Variants in INPPL1 observed in about 807,000 individuals in gnomAD.
INPPL1 encodes the protein phosphatidylinositol 3,4,5-trisphosphate 5-phosphatase 2.
Under a neutral mutation model 139.3 loss-of-function variants are expected in INPPL1, and 91 were observed. The observed-to-expected ratio is 0.65, with a 90% CI of 0.55 to 0.78. The LOEUF (loss-of-function observed/expected upper bound fraction) is 0.78, where lower values mean the gene tolerates loss of function less well. INPPL1 is among the 30% of genes least tolerant of loss of function. INPPL1 has a pLI of 0.00. For synonymous variants in INPPL1, 719 were observed against 686.6 expected, an observed-to-expected ratio of 1.05 and a Z score of -0.74; for missense variants, 1,411 against 1,665.6, an observed-to-expected ratio of 0.85 and a Z score of 2.66.
Position 72,235,334 on chromosome 11 carries a change from ACGG to A in INPPL1, c.2544_2546del (p.Ala849del). 3.1e-6 allele frequency: 5 copies of A among 1,614,074 alleles called. No individual in the cohort carries two copies. Among genetic ancestry groups the A allele is most frequent in the Non-Finnish European group, 3.4e-6 (4 of 1,179,990 alleles). On this transcript the variant is annotated inframe_deletion, in exon 23 of 28. Coordinates refer to ENST00000298229, the MANE Select transcript of INPPL1 (RefSeq NM_001567.4). This position sits in a 1 kb window ranked among gnomAD's most constrained non-coding sequence, Gnocchi z 4.9. ...TGCACTCAAATCCATGATCGGCAGC[ACGG>A]CCCAACAGTTCCTGACCTTCCTATC... is the stretch of plus-strand genomic sequence containing the variant.
At position 72,230,904 on chromosome 11, in the gene INPPL1, G is replaced by GC; in HGVS notation, c.1300+9dup. The GC allele has an allele frequency of 6.2e-7, 1 of 1,613,990 alleles. No homozygotes were observed. Among genetic ancestry groups the GC allele is most frequent in the Non-Finnish European group, 8.5e-7 (1 of 1,179,916 alleles). On this transcript the variant is annotated splice_region_variant and intron_variant, in intron 11 of 27. Transcript: ENST00000298229. Reference sequence around the variant, plus strand: ...CATAGGCACCTGGAACATGGGTCAGGCCCGGGCTGGGGCTGGGGCGGGAGA... The same window carrying GC: ...CATAGGCACCTGGAACATGGGTCAGGCCCCGGGCTGGGGCTGGGGCGGGAGA...
At position 72,232,919 on chromosome 11, in the gene INPPL1, C is replaced by A. The variant is rs1426299825; in HGVS notation, c.1896C>A (p.Leu632=). ...YISRKEFEPL[L]RVDQLNLERE... is the part of the protein sequence containing the mutation. ...GCAGGAAAGAGTTTGAGCCCCTCCT[C>A]AGGGTGGACCAGCTCAACCTGGAGC... The change falls in exon 16 of 28, where the codon CTC becomes CTA. Residue 632 remains leucine (L), a synonymous_variant. Coordinates refer to ENST00000298229, the MANE Select transcript of INPPL1 (RefSeq NM_001567.4). The A allele has an allele frequency of 6.2e-7, 1 of 1,614,166 alleles. No homozygotes were observed. Among genetic ancestry groups the A allele is most frequent in the South Asian group, 1.1e-5 (1 of 91,084 alleles).
At position 72,232,892 on chromosome 11, in the gene INPPL1, C is replaced by G; in HGVS notation, c.1869C>G (p.Ile623Met). 3 of 1,614,146 alleles carry G rather than the reference C, an allele frequency of 1.9e-6. No individual in the cohort carries two copies. The highest frequency in any genetic ancestry group is 2.5e-6 in the Non-Finnish European group (3 of 1,180,004). The change falls in exon 16 of 28, where the codon ATC becomes ATG. Residue 623 changes from isoleucine (I) to methionine (M), a missense_variant. By Grantham distance (10) the Ile-to-Met change is conservative. Around this residue, in one of 5 missense-constraint regions of INPPL1, gnomAD observed 363 missense variants for 446.2 expected, o/e 0.81. Transcript: ENST00000298229. Reference sequence around the variant, plus strand: ...CACCCCAGGAGATCCTGAACTACATCAGCAGGAAAGAGTTTGAGCCCCTCC... The same window carrying G: ...CACCCCAGGAGATCCTGAACTACATGAGCAGGAAAGAGTTTGAGCCCCTCC... ...DMDIQEILNY[I>M]SRKEFEPLLR...
At chr11:72,233,852 G>A (rs753411038) in intron 19 of INPPL1, 108 bp downstream of exon 19, 5 of 843,082 alleles carry the variant, frequency 5.9e-6, no homozygotes, top group Non-Finnish European at 1.0e-5. Context: ...GTGGGTGTGT[G>A]TACCAGTGAG....
At position 72,236,942 on chromosome 11, in the gene INPPL1, G is replaced by C. The variant is rs114364629; in HGVS notation, c.2880-182G>C. 1.2e-3 allele frequency among the ~76,000 whole-genome samples: 186 copies of C among 152,290 alleles called. 1 individual carries two copies. Among genetic ancestry groups the C allele is most frequent in the African/African-American group, 4.0e-3 (165 of 41,556 alleles). ...GGGATTGTAGGGTTATCCATTCAAA[G>C]GGTTATCCTCCCTCTGACCTTTAGA... On this transcript the variant is annotated intron_variant, in intron 25 of 27. Coordinates refer to ENST00000298229, the MANE Select transcript of INPPL1 (RefSeq NM_001567.4).
Position 72,228,384 on chromosome 11 carries a change from C to T in INPPL1, c.283C>T (p.Leu95=). Residue 95 remains leucine (L), a synonymous_variant, in exon 3 of 28, where the codon CTG becomes TTG. Coordinates refer to ENST00000298229, the MANE Select transcript of INPPL1 (RefSeq NM_001567.4). This position sits in a 1 kb window ranked among gnomAD's most constrained non-coding sequence, Gnocchi z 5.0. ...QGVPVRRFQT[L]GELIGLYAQP... is the part of the protein sequence containing the mutation. ...TGTGCCTGTGCGCCGCTTCCAGACCCTGGGTGAGCTCATCGGCCTGTACGC... is the reference window on the plus strand; with the variant it reads ...TGTGCCTGTGCGCCGCTTCCAGACCTTGGGTGAGCTCATCGGCCTGTACGC... The T allele has an allele frequency of 6.2e-7, 1 of 1,613,472 alleles. No individual in the cohort carries two copies. The highest frequency in any genetic ancestry group is 8.5e-7 in the Non-Finnish European group (1 of 1,179,980).
intron 6 of INPPL1, 39 bp from the exon 7 acceptor site, chr11:72,229,624 A>G (rs774501149): frequency 6.8e-6 from 11 of 1,611,680 alleles, no homozygotes; most frequent in Admixed American, 6.7e-5. Flanking sequence ...GGCTCTGCTT[A>G]GGTGACTCAT....
Position 72,228,563 on chromosome 11 carries a change from C to G in INPPL1, c.397+65C>G. The G allele has an allele frequency of 2.5e-6, 4 of 1,569,288 alleles. No homozygotes were observed. Among genetic ancestry groups the G allele is most frequent in the Non-Finnish European group, 3.5e-6 (4 of 1,155,714 alleles). On this transcript the variant is annotated intron_variant, in intron 3 of 27. Transcript: ENST00000298229. The surrounding 1 kb of genome is among the most constrained non-coding windows in gnomAD (Gnocchi z 5.0). The stretch of plus-strand genomic sequence containing the variant: ...CTTGGCTCTACCTGCCTCTTCCCAT[C>G]CCCCCTTCTCAACCCCACCTCTCCT...
At position 72,238,386 on chromosome 11, in the gene INPPL1, G is replaced by A; in HGVS notation, c.*33G>A. The A allele has an allele frequency of 1.3e-6, 2 of 1,496,466 alleles. No individual in the cohort carries two copies. The highest frequency in any genetic ancestry group is 1.4e-5 in the African/African-American group (1 of 70,818). 92.7% of individuals were successfully genotyped at this position (1,496,466 alleles called of 1,614,324 possible). ...GGCACCACGAAGCTGTGAACTCAGA[G>A]CCCCTCCCTGCTACCAAGGCCCAGC... On this transcript the variant is annotated 3_prime_UTR_variant, in exon 28 of 28. Transcript: ENST00000298229.
chr11:72,234,193 AT>A lies in INPPL1; in HGVS notation c.2213-85del. ...CCTGCCTCCTTGCTCTGGACCCCTG[AT>A]TTCCTGTCCCAGGGCCCTGTTTCTC... On this transcript the variant is annotated intron_variant, in intron 19 of 27. Coordinates refer to ENST00000298229, the MANE Select transcript of INPPL1 (RefSeq NM_001567.4). The surrounding 1 kb of genome is among the most constrained non-coding windows in gnomAD (Gnocchi z 4.2). The A allele has an allele frequency of 9.5e-7, 1 of 1,049,148 alleles. No individual in the cohort carries two copies. The highest frequency in any genetic ancestry group is 1.5e-6 in the Non-Finnish European group (1 of 682,204). 65.0% of individuals were successfully genotyped at this position (1,049,148 alleles called of 1,614,324 possible).
In INPPL1 at chr11:72,238,173, C is replaced by G. The variant is rs1308805329; in HGVS notation, c.3684C>G (p.Leu1228=). ...ATGGCTGGGACGACCTGGAGTTTCTCAGGTGGGGGAGGGGCTGGCCCCGGG... is the reference window on the plus strand; with the variant it reads ...ATGGCTGGGACGACCTGGAGTTTCTGAGGTGGGGGAGGGGCTGGCCCCGGG... ...VHNGWDDLEF[L]SDITEEDLEE... Residue 1228 remains leucine, a splice_region_variant and synonymous_variant, in exon 27 of 28, where the codon CTC becomes CTG. Coordinates refer to ENST00000298229, the MANE Select transcript of INPPL1 (RefSeq NM_001567.4). 4 of 1,604,130 alleles carry G rather than the reference C, an allele frequency of 2.5e-6. No individual in the cohort carries two copies. The South Asian group carries it at 4.5e-5, about 18-fold the overall frequency.
Position 72,230,896 on chromosome 11 carries a change from T to C in INPPL1, c.1298T>C (p.Met433Thr). Residue 433 changes from methionine (M) to threonine (T), a missense_variant and splice_region_variant, in exon 11 of 28, where the codon ATG (methionine) becomes ACG (threonine). Physicochemically the swap from Met to Thr is moderately conservative, Grantham distance 81. Coordinates refer to ENST00000298229, the MANE Select transcript of INPPL1 (RefSeq NM_001567.4). Reference protein sequence around the residue: ...MISVFIGTWNMGSVPPPKNVT... With the variant: ...MISVFIGTWNTGSVPPPKNVT... ...TCAGTCTTCATAGGCACCTGGAACA[T>C]GGGTCAGGCCCGGGCTGGGGCTGGG... is the stretch of plus-strand genomic sequence containing the variant. The C allele has an allele frequency of 6.2e-7, 1 of 1,613,974 alleles. No individual in the cohort carries two copies. Among genetic ancestry groups the C allele is most frequent in the South Asian group, 1.1e-5 (1 of 91,076 alleles).
intron 1 of INPPL1, among the ~76,000 whole-genome samples, chr11:72,226,266 C>G (rs1196760286): frequency 6.6e-6 from 1 of 151,358 alleles, no homozygotes; most frequent in East Asian, 1.9e-4. Flanking sequence ...CTGCAACCTC[C>G]GCCTCCTGGA....
At chr11:72,225,416 T>A (rs1948642989) in intron 1 of INPPL1, 1 of 985,230 alleles carries the variant, frequency 1.0e-6, no homozygotes, top group Admixed American at 6.2e-5. Flanking sequence ...CCAGTGTGAC[T>A]GTGATGACGA....
intron 25 of INPPL1, 123 bp from the exon 26 acceptor site, chr11:72,237,001 G>A (rs1189172861): frequency 3.7e-6 from 3 of 801,810 alleles, no homozygotes; most frequent in Non-Finnish European, 5.9e-6. Flanking sequence ...ATGTGCTCAA[G>A]GTCATGAGAA....
At chr11:72,233,046 G>A (rs773812024) in intron 16 of INPPL1, 29 bp from the exon 17 acceptor site, 25 of 1,611,862 alleles carry the variant, frequency 1.6e-5, no homozygotes, top group Non-Finnish European at 2.0e-5. Context: ...TCAGGGCCCT[G>A]AACCCCACCT....
chr11:72,227,977 GGGGGTGTT>G, intron 1 of INPPL1: 2 of 570,190 alleles, frequency 3.5e-6, no homozygotes, highest in Non-Finnish European at 6.3e-6. Flanking sequence ...GTGGGGAGAC[GGGGGTGTT>G]CTGGTCATTC....
At chr11:72,231,446 A>C (rs1270081957) in intron 12 of INPPL1, 52 bp from the exon 13 acceptor site, 38 of 1,364,912 alleles carry the variant, frequency 2.8e-5, no homozygotes, top group Non-Finnish European at 4.0e-5. Flanking sequence ...GCAGGGGGAA[A>C]TGCAGGCAGT....
chr11:72,229,376 C>T (rs1005571498), intron 5 of INPPL1, 89 bp from the exon 6 acceptor site: 10 of 1,440,136 alleles, frequency 6.9e-6, no homozygotes, highest in South Asian at 1.2e-5. Context: ...TAGCCTTTAT[C>T]CTTGTGGTGA....
Sources: gnomAD v4.1 joint callset for allele counts (sites outside exome capture counted in the v4.1 genomes callset) on GRCh38, gnomAD v4.1.1 for gene constraint, gnomAD v4.1.1 regional missense constraint, Gnocchi (gnomAD v3.1) non-coding constraint, MANE v1.5 for transcripts, NCBI Gene and HGNC (gene_info 2026-07-23, HGNC 2026-07-21) for gene names.